ZNF131: variants seen among roughly 807,000 people sequenced by gnomAD.
The protein encoded by ZNF131 is zinc finger protein 131.
ZNF131 carries 7 observed loss-of-function variants against 60.0 expected under a neutral mutation model. The ratio of observed to expected loss-of-function variants is 0.12; its 90% CI spans 0.07 to 0.22. The LOEUF is 0.22. Ranked by LOEUF, ZNF131 falls within the 10% of genes least tolerant of loss-of-function variation. ZNF131 has a pLI of 1.00. For synonymous variants in ZNF131, 257 were observed against 253.2 expected (o/e 1.01, Z -0.14); for missense variants, 493 against 740.9 (o/e 0.67, Z 3.88).
At chr5:43,164,534 AC>A (rs1344855631) in intron 5 of ZNF131, among the ~76,000 whole-genome samples, 2 of 152,206 alleles carry the variant, frequency 1.3e-5, no homozygotes, top group Non-Finnish European at 2.9e-5. Context: ...AGTTTCCAAT[AC>A]CCCAGCAGAT....
At chr5:43,154,483 T>C (rs908136774) in intron 4 of ZNF131, among the ~76,000 whole-genome samples, 2 of 151,312 alleles carry the variant, frequency 1.3e-5, no homozygotes, top group African/African-American at 4.9e-5. Flanking sequence ...TGCAGTGGGG[T>C]CACAGCTCCA....
chr5:43,160,588 T>G (rs1346957952), intron 4 of ZNF131, among the ~76,000 whole-genome samples: 1 of 152,196 alleles, frequency 6.6e-6, no homozygotes, highest in African/African-American at 2.4e-5. Flanking sequence ...TTGAATTAAT[T>G]TTTCATGTAT....
chr5:43,146,958 C>T (rs1288042483), intron 4 of ZNF131, among the ~76,000 whole-genome samples: 10 of 152,064 alleles, frequency 6.6e-5, no homozygotes, highest in Non-Finnish European at 4.4e-5. Flanking sequence ...CAATCAAGAT[C>T]AGGGGAACAC....
rs4637561 is a variant in ZNF131 at position 43,142,575 on chromosome 5, A to G, written c.371+3266A>G. Among the ~76,000 whole-genome samples, 1,103 of 152,004 alleles carry G rather than the reference A, an allele frequency of 7.3e-3. 13 individuals are homozygous for G. Among genetic ancestry groups the G allele is most frequent in the African/African-American group, 0.026 (1,062 of 41,494 alleles). ...TGCCTCGACCTCCCAAAGTGCTGGGATTATAGGCGTGAGCCATGGCACCCG... is the reference window on the plus strand; with the variant it reads ...TGCCTCGACCTCCCAAAGTGCTGGGGTTATAGGCGTGAGCCATGGCACCCG... On this transcript the variant is annotated intron_variant, in intron 4 of 6. Coordinates refer to ENST00000682664, the MANE Select transcript of ZNF131 (RefSeq NM_001330707.2).
At chr5:43,153,870 G>A (rs1028265719) in intron 4 of ZNF131, among the ~76,000 whole-genome samples, 2 of 152,184 alleles carry the variant, frequency 1.3e-5, no homozygotes, top group Non-Finnish European at 2.9e-5. Flanking sequence ...GTCATTGTTT[G>A]AGAAAGCTGT....
chr5:43,149,468 T>G (rs1258572813), intron 4 of ZNF131, among the ~76,000 whole-genome samples: 2 of 152,214 alleles, frequency 1.3e-5, no homozygotes, highest in Admixed American at 1.3e-4. Flanking sequence ...TTGTTTCAAG[T>G]TTTTGGCTAT....
intron 4 of ZNF131, among the ~76,000 whole-genome samples, chr5:43,147,283 A>G (rs765664090): frequency 1.3e-4 from 20 of 151,712 alleles, no homozygotes; most frequent in Admixed American, 3.9e-4. Flanking sequence ...CAAATCTTTG[A>G]GTGGATATAT....
At chr5:43,164,473 C>T (rs1750115917) in intron 5 of ZNF131, among the ~76,000 whole-genome samples, 1 of 152,152 alleles carries the variant, frequency 6.6e-6, no homozygotes, top group Non-Finnish European at 1.5e-5. Context: ...TGTTGTTATA[C>T]CAGCAGCACA....
intron 3 of ZNF131, among the ~76,000 whole-genome samples, chr5:43,135,846 A>G (rs951944639): frequency 1.3e-5 from 2 of 152,152 alleles, no homozygotes; most frequent in Non-Finnish European, 2.9e-5. Flanking sequence ...TGCCAGGTGC[A>G]GTGGCTCACG....
At chr5:43,147,449 G>A (rs568130176) in intron 4 of ZNF131, among the ~76,000 whole-genome samples, 29 of 150,724 alleles carry the variant, frequency 1.9e-4, no homozygotes, top group East Asian at 7.8e-4. Flanking sequence ...ACGGAGTCTC[G>A]CTCTGTCGCC....
intron 3 of ZNF131, among the ~76,000 whole-genome samples, chr5:43,132,053 T>G (rs911289081): frequency 6.6e-6 from 1 of 152,252 alleles, no homozygotes; most frequent in African/African-American, 2.4e-5. Context: ...AGAGCCTTGC[T>G]TTATATGTAT....
At chr5:43,138,317 C>A (rs1430219050) in intron 3 of ZNF131, among the ~76,000 whole-genome samples, 1 of 152,100 alleles carries the variant, frequency 6.6e-6, no homozygotes, top group Non-Finnish European at 1.5e-5. Flanking sequence ...ATGAGTATAA[C>A]CAGAGATGAA....
intron 4 of ZNF131, among the ~76,000 whole-genome samples, chr5:43,159,802 G>GT (rs756598805): frequency 6.6e-6 from 1 of 151,824 alleles, no homozygotes; most frequent in East Asian, 1.9e-4. Flanking sequence ...TCAGAGGGCA[G>GT]TTTTTAATTT....
chr5:43,143,488 T>A, intron 4 of ZNF131: 1 of 1,171,216 alleles, frequency 8.5e-7, no homozygotes, highest in South Asian at 1.5e-5. Flanking sequence ...TAATTTCCTA[T>A]CCCACTGGAA....
chr5:43,153,592 G>A (rs1405522344), intron 4 of ZNF131, among the ~76,000 whole-genome samples: 1 of 151,820 alleles, frequency 6.6e-6, no homozygotes, highest in African/African-American at 2.4e-5. Context: ...CAGTAAGCGA[G>A]ATCGTGCCAT....
chr5:43,122,936 A>G (rs1744058504), intron 2 of ZNF131, among the ~76,000 whole-genome samples: 1 of 152,208 alleles, frequency 6.6e-6, no homozygotes, highest in African/African-American at 2.4e-5. Context: ...ATTGGAAACA[A>G]CAGAGTGTCA....
intron 4 of ZNF131, among the ~76,000 whole-genome samples, chr5:43,141,225 A>C (rs1404250395): frequency 6.6e-6 from 1 of 152,192 alleles, no homozygotes; most frequent in African/African-American, 2.4e-5. Context: ...AGATGGATAC[A>C]TGCTAATTAA....
At chr5:43,151,025 G>A (rs750599537) in intron 4 of ZNF131, among the ~76,000 whole-genome samples, 6 of 152,062 alleles carry the variant, frequency 3.9e-5, no homozygotes, top group Non-Finnish European at 5.9e-5. Context: ...CTTAGCCCTG[G>A]GCATTAGTCT....
At chr5:43,151,567 T>C (rs559073805) in intron 4 of ZNF131, among the ~76,000 whole-genome samples, 1 of 152,272 alleles carries the variant, frequency 6.6e-6, no homozygotes, top group East Asian at 1.9e-4. Flanking sequence ...CCCTAGTAGC[T>C]GGGATTACAG....
Sources: gnomAD v4.1 joint callset for allele counts (sites outside exome capture counted in the v4.1 genomes callset) on GRCh38, gnomAD v4.1.1 for gene constraint, MANE v1.5 for transcripts, NCBI Gene and HGNC (gene_info 2026-07-23, HGNC 2026-07-21) for gene names.